The following SLC45A4 variants were observed in gnomAD, a reference collection of about 807,000 sequenced individuals.
SLC45A4 encodes solute carrier family 45 member 4.
Under a neutral mutation model 63.7 loss-of-function variants are expected in SLC45A4, and 32 were observed. The ratio of observed to expected loss-of-function variants is 0.50; its 90% CI spans 0.38 to 0.67. The LOEUF is 0.67. SLC45A4 is among the 30% of genes least tolerant of loss of function. SLC45A4 has a pLI of 0.00. For missense variants in SLC45A4, 1,027 were observed against 1,157.7 expected, an observed-to-expected ratio of 0.89 and a Z score of 1.64; for synonymous variants, 535 against 510.0, an observed-to-expected ratio of 1.05 and a Z score of -0.66.
At chr8:141,228,156 GT>G (rs1387798408) in intron 2 of SLC45A4, 1 of 1,613,870 alleles carries the variant, frequency 6.2e-7, no homozygotes, top group South Asian at 1.1e-5. Flanking sequence ...GGAGGCAGCA[GT>G]TTTGAAATTG....
intron 1 of SLC45A4, among the ~76,000 whole-genome samples, chr8:141,264,953 C>T (rs968863738): frequency 1.3e-5 from 2 of 152,058 alleles, no homozygotes; most frequent in African/African-American, 2.4e-5. Context: ...CTGGAAAGGC[C>T]CCTGTGTTCC....
At chr8:141,304,015 C>T (rs374682889) in intron 1 of SLC45A4, among the ~76,000 whole-genome samples, 5 of 152,300 alleles carry the variant, frequency 3.3e-5, no homozygotes, top group South Asian at 2.1e-4. Flanking sequence ...TATTCCCCCC[C>T]GCGGCTCCCG....
At position 141,219,711 on chromosome 8, in the gene SLC45A4, C is replaced by A; in HGVS notation, c.549G>T (p.Leu183=). 1 of 1,611,710 alleles carries A rather than the reference C, an allele frequency of 6.2e-7. No individual in the cohort carries two copies. Among genetic ancestry groups the A allele is most frequent in the Non-Finnish European group, 8.5e-7 (1 of 1,179,166 alleles). The change falls in exon 4 of 9, where the codon CTG becomes CTT. Residue 183 remains leucine (L), a synonymous_variant. Coordinates refer to ENST00000517878, the MANE Select transcript of SLC45A4 (RefSeq NM_001286646.2). Reference sequence around the variant, plus strand: ...GCTCCTCGCTGTCCACCACGTCCAGCAGATAGGCACGGATGGGCCCCTCGG... The same window carrying A: ...GCTCCTCGCTGTCCACCACGTCCAGAAGATAGGCACGGATGGGCCCCTCGG... ...DATEGPIRAY[L]LDVVDSEEQD...
At chr8:141,228,550 G>A (rs1389593163) in intron 2 of SLC45A4, 1 of 1,269,442 alleles carries the variant, frequency 7.9e-7, no homozygotes, top group African/African-American at 1.5e-5. Flanking sequence ...CGCAGCTGGA[G>A]CATGGGCTCC....
intron 1 of SLC45A4, among the ~76,000 whole-genome samples, chr8:141,273,964 T>C (rs1004821609): frequency 6.6e-6 from 1 of 152,166 alleles, no homozygotes; most frequent in Non-Finnish European, 1.5e-5. Flanking sequence ...GCGTGGTGGC[T>C]CACGCCTGTA....
At chr8:141,233,802 T>C (rs1465860356) in intron 2 of SLC45A4, among the ~76,000 whole-genome samples, 1 of 151,950 alleles carries the variant, frequency 6.6e-6, no homozygotes, top group Non-Finnish European at 1.5e-5. Context: ...GTGGCACCCG[T>C]TTTGCTGTGC....
chr8:141,291,601 A>G (rs146382558), intron 1 of SLC45A4, among the ~76,000 whole-genome samples: 5 of 152,246 alleles, frequency 3.3e-5, no homozygotes, highest in African/African-American at 1.2e-4. Context: ...GTCAGAAAGT[A>G]ACAGTCAAAC....
At chr8:141,223,839 C>T (rs1191444936) in intron 2 of SLC45A4, among the ~76,000 whole-genome samples, 1 of 152,236 alleles carries the variant, frequency 6.6e-6, no homozygotes, top group Non-Finnish European at 1.5e-5. Context: ...CTCCACCACT[C>T]ACCCCAGTCT....
chr8:141,219,839 G>A lies in SLC45A4; in HGVS notation c.431-10C>T, dbSNP rs757404968. The A allele has an allele frequency of 9.6e-6, 15 of 1,561,946 alleles. No homozygotes were observed. Among genetic ancestry groups the A allele is most frequent in the East Asian group, 2.4e-5 (1 of 41,770 alleles). On this transcript the variant is annotated splice_polypyrimidine_tract_variant and intron_variant, in intron 3 of 8. Transcript: ENST00000517878. ...TCGCCGAGGGCCAGACCTGCGCAGA[G>A]CACACGGGAGGGCGGTCAGGTCCTC...
intron 1 of SLC45A4, among the ~76,000 whole-genome samples, chr8:141,290,169 G>A (rs1035025305): frequency 5.9e-5 from 9 of 151,372 alleles, no homozygotes; most frequent in African/African-American, 1.9e-4. Flanking sequence ...CTACATCTAC[G>A]GTCATCTAAC....
At chr8:141,217,362 C>T (rs981819957) in intron 5 of SLC45A4, among the ~76,000 whole-genome samples, 173 bp from the exon 6 acceptor site, 11 of 152,232 alleles carry the variant, frequency 7.2e-5, no homozygotes, top group Non-Finnish European at 1.3e-4. Context: ...AAAGCATTTC[C>T]ATGCCTCCCA....
At chr8:141,243,048 A>C (rs373025144) in intron 2 of SLC45A4, among the ~76,000 whole-genome samples, 1 of 152,322 alleles carries the variant, frequency 6.6e-6, no homozygotes, top group East Asian at 1.9e-4. Context: ...AAAACCTGCT[A>C]GAGTTGGGAG....
intron 2 of SLC45A4, 68 bp from the exon 3 acceptor site, chr8:141,221,833 G>C: frequency 1.3e-6 from 2 of 1,556,872 alleles, no homozygotes; most frequent in Non-Finnish European, 8.8e-7. Context: ...TTTCCTGGGA[G>C]CCCCGCGACA....
rs1287173818 is a variant in SLC45A4, at chr8:141,256,415, T to G, written c.-400-1786A>C. The G allele has an allele frequency of 2.7e-6, 1 of 374,986 alleles. No individual in the cohort carries two copies. Among genetic ancestry groups the G allele is most frequent in the East Asian group, 7.4e-5 (1 of 13,440 alleles). The allele number at this position is 374,986 out of a possible 1,614,324, so 23.2% of individuals were successfully genotyped here. ...TCCACCGAACCAAAGGTGGTCTTAATTAGCTCCTCCTCTCTTTCTCCCCAG... is the reference window on the plus strand; with the variant it reads ...TCCACCGAACCAAAGGTGGTCTTAAGTAGCTCCTCCTCTCTTTCTCCCCAG... On this transcript the variant is annotated intron_variant, in intron 1 of 8. Coordinates refer to ENST00000517878, the MANE Select transcript of SLC45A4 (RefSeq NM_001286646.2). This position sits in a 1 kb window ranked among gnomAD's most constrained non-coding sequence, Gnocchi z 4.3.
intron 1 of SLC45A4, among the ~76,000 whole-genome samples, chr8:141,280,763 G>A (rs932366703): frequency 6.6e-6 from 1 of 152,240 alleles, no homozygotes; most frequent in African/African-American, 2.4e-5. Flanking sequence ...TGTCAGGACA[G>A]AGCCTGACTC....
intron 1 of SLC45A4, among the ~76,000 whole-genome samples, chr8:141,295,195 C>T (rs569444785): frequency 8.5e-5 from 13 of 152,156 alleles, no homozygotes; most frequent in South Asian, 6.2e-4. Flanking sequence ...GAAGGCAGCC[C>T]CTGTGGGTGA....
In SLC45A4 at chr8:141,236,282, C is replaced by G. The variant is rs547570653; in HGVS notation, c.242-14517G>C. ...CGTCCAGAGAAAGCCGTCCCTGGAT[C>G]TTCCCTCTCGCCCAGCCCTGACTGC... is the stretch of plus-strand genomic sequence containing the variant. On this transcript the variant is annotated intron_variant, in intron 2 of 8. Coordinates refer to ENST00000517878, the MANE Select transcript of SLC45A4 (RefSeq NM_001286646.2). Among the ~76,000 whole-genome samples, 9 of 152,342 alleles carry G rather than the reference C, an allele frequency of 5.9e-5. 1 individual carries two copies. The South Asian group carries it at 1.7e-3, about 28-fold the overall frequency.
rs752505425 is a variant in SLC45A4, at chr8:141,212,200, G to A, written c.2298C>T (p.Ser766=). The A allele has an allele frequency of 1.2e-5, 16 of 1,324,218 alleles. No individual in the cohort carries two copies. Among genetic ancestry groups the A allele is most frequent in the African/African-American group, 1.6e-5 (1 of 61,412 alleles). 82.0% of individuals were successfully genotyped at this position (1,324,218 alleles called of 1,614,324 possible). ...EGLQGPVETE[S]VTPAGIDVCQ... is the part of the protein sequence containing the mutation. ...TAAACGGGAGTGCGGCTCAGACCAC[G>A]GACTCTGTCTCCACCGGTCCCTGCA... is the stretch of plus-strand genomic sequence containing the variant. The change falls in exon 8 of 9, where the codon TCC becomes TCT. Residue 766 remains serine (S), a synonymous_variant. Coordinates refer to ENST00000517878, the MANE Select transcript of SLC45A4 (RefSeq NM_001286646.2).
chr8:141,265,863 C>T (rs921774572), intron 1 of SLC45A4, among the ~76,000 whole-genome samples: 3 of 152,178 alleles, frequency 2.0e-5, no homozygotes, highest in African/African-American at 4.8e-5. Flanking sequence ...TCGGGGCATT[C>T]GGTGACAACA....
Sources: allele counts gnomAD v4.1 joint callset (sites outside exome capture counted in the v4.1 genomes callset), GRCh38; gene constraint gnomAD v4.1.1; non-coding constraint Gnocchi (gnomAD v3.1); transcripts MANE v1.5; gene names NCBI Gene and HGNC (gene_info 2026-07-23, HGNC 2026-07-21).